The following PHF11 variants were observed in gnomAD, a reference collection of about 807,000 sequenced individuals.
The protein encoded by PHF11 is BRCA1 C-terminus-associated protein.
A neutral mutation model predicts 40.5 loss-of-function variants in PHF11; 38 were observed. The ratio of observed to expected loss-of-function variants is 0.94; its 90% CI spans 0.72 to 1.23. The LOEUF is 1.23. Among genes scored for constraint, PHF11 ranks in the 50% most tolerant of loss-of-function variants. The pLI, the probability that PHF11 is intolerant of heterozygous loss-of-function variation, is 0.00. For missense variants in PHF11, 369 were observed against 392.4 expected (o/e 0.94, Z 0.50); for synonymous variants, 127 against 138.2 (o/e 0.92, Z 0.57).
chr13:49,523,503 G>C (rs1053200266), intron 7 of PHF11: 8 of 466,878 alleles, frequency 1.7e-5, no homozygotes, highest in Non-Finnish European at 2.6e-5. Context: ...GCTTGCCTGA[G>C]CTCAGAATCC....
intron 8 of PHF11, among the ~76,000 whole-genome samples, chr13:49,524,448 A>G (rs913265979): frequency 1.3e-5 from 2 of 151,278 alleles, no homozygotes; most frequent in Non-Finnish European, 2.9e-5. Flanking sequence ...TAAGCTGTCC[A>G]GCTTGTCATT....
rs73493214 is a variant in PHF11 at position 49,500,521 on chromosome 13, G to A, written c.94+4426G>A. Among the ~76,000 whole-genome samples the A allele has an allele frequency of 8.9e-3, 1,355 of 152,256 alleles. 12 individuals carry two copies. Among genetic ancestry groups the A allele is most frequent in the African/African-American group, 0.031 (1,295 of 41,508 alleles). On this transcript the variant is annotated intron_variant, in intron 1 of 9. Transcript: ENST00000378319. ...GACTCCCATAGTGAGAGATGCCTGT[G>A]TAAAAGTCCTCAGTGTGACTCCTCC...
chr13:49,497,074 G>A (rs1594194854), intron 1 of PHF11: 1 of 1,275,666 alleles, frequency 7.8e-7, no homozygotes, highest in Non-Finnish European at 1.0e-6. Context: ...TCAGCCAAAG[G>A]TGGAAAAGTT....
intron 3 of PHF11, among the ~76,000 whole-genome samples, chr13:49,516,036 T>C (rs1959149113): frequency 1.3e-5 from 2 of 152,128 alleles, no homozygotes; most frequent in African/African-American, 4.8e-5. Context: ...GCCCTCTGCT[T>C]AGAATGTCTT....
At position 49,526,380 on chromosome 13, in the gene PHF11, C is replaced by T. The variant is rs1959276650; in HGVS notation, c.770-7C>T. The T allele has an allele frequency of 3.2e-6, 5 of 1,587,188 alleles. No individual in the cohort carries two copies. The highest frequency in any genetic ancestry group is 3.5e-6 in the Non-Finnish European group (4 of 1,155,878). On this transcript the variant is annotated splice_polypyrimidine_tract_variant and splice_region_variant and intron_variant, in intron 8 of 9. Transcript: ENST00000378319. Reference sequence around the variant, plus strand: ...GTTTAATATTGAAAATGTTTCTCTCCCTCCAGACTATGAAGAAATCGGGAG... The same window carrying T: ...GTTTAATATTGAAAATGTTTCTCTCTCTCCAGACTATGAAGAAATCGGGAG...
At chr13:49,496,233 C>A in intron 1 of PHF11, 138 bp downstream of exon 1, 1 of 639,772 alleles carries the variant, frequency 1.6e-6, no homozygotes, top group Non-Finnish European at 2.2e-6. Flanking sequence ...GACGCCGGGG[C>A]GGCGCTGGAC....
Position 49,518,101 on chromosome 13 carries a change from C to T in PHF11, c.408C>T (p.Ala136=). Residue 136 remains alanine, a synonymous_variant, in exon 4 of 10, where the codon GCC becomes GCT. Coordinates refer to ENST00000378319, the MANE Select transcript of PHF11 (RefSeq NM_001040443.3). ...NCNKNYHFFC[A]KKDDAVPQSD... ...ACAAGAATTACCACTTTTTCTGTGC[C>T]AAGAAGGACGACGCAGTTCCACAGT... is the stretch of plus-strand genomic sequence containing the variant. The T allele has an allele frequency of 6.2e-7, 1 of 1,606,948 alleles. No homozygotes were observed.
chr13:49,522,938 T>C (rs1037617803), intron 6 of PHF11, among the ~76,000 whole-genome samples: 1 of 151,918 alleles, frequency 6.6e-6, no homozygotes, highest in African/African-American at 2.4e-5. Flanking sequence ...CTAATTTTTG[T>C]ATTTTTAGTA....
chr13:49,503,121 C>T (rs550576075), intron 1 of PHF11, among the ~76,000 whole-genome samples: 1 of 152,302 alleles, frequency 6.6e-6, no homozygotes, highest in South Asian at 2.1e-4. Context: ...CCTTTCCCAG[C>T]TTCCTGTGCA....
At chr13:49,496,830 C>CTTTTTTTTTTTT (rs34505707) in intron 1 of PHF11, among the ~76,000 whole-genome samples, 1 of 88,048 alleles carries the variant, frequency 1.1e-5, no homozygotes, top group African/African-American at 4.5e-5. Context: ...TGGGCTTACC[C>CTTTTTTTTTTTT]TTTTTTTTTT....
In PHF11 at chr13:49,528,868, A is replaced by AT; in HGVS notation, c.*203_*204insT. 2.1e-6 allele frequency: 1 copy of AT among 476,112 alleles called. No homozygotes were observed. Among genetic ancestry groups the AT allele is most frequent in the Non-Finnish European group, 3.7e-6 (1 of 270,324 alleles). The allele number at this position is 476,112 out of a possible 1,614,324, so 29.5% of individuals were successfully genotyped here. On this transcript the variant is annotated 3_prime_UTR_variant, in exon 10 of 10. Coordinates refer to ENST00000378319, the MANE Select transcript of PHF11 (RefSeq NM_001040443.3). Reference sequence around the variant, plus strand: ...GCTCACTGTCACATTCCCAGCACCTAGTATGCTCAGTAAATGTTTGTGGAA... The same window carrying AT: ...GCTCACTGTCACATTCCCAGCACCTATGTATGCTCAGTAAATGTTTGTGGAA...
At chr13:49,522,758 GGT>G (rs1241628079) in intron 6 of PHF11, among the ~76,000 whole-genome samples, 4 of 35,842 alleles carry the variant, frequency 1.1e-4, no homozygotes, top group East Asian at 1.4e-3. Flanking sequence ...ATGAATATGG[GGT>G]TTTTTTGTTT....
intron 2 of PHF11, among the ~76,000 whole-genome samples, chr13:49,511,420 A>G (rs1959081851): frequency 6.7e-6 from 1 of 148,546 alleles, no homozygotes; most frequent in Non-Finnish European, 1.5e-5. Context: ...TCCGCCTCAC[A>G]GGTTCAAGCA....
At chr13:49,520,809 T>C in intron 4 of PHF11, 85 bp from the exon 5 acceptor site, 1 of 929,276 alleles carries the variant, frequency 1.1e-6, no homozygotes, top group Non-Finnish European at 1.6e-6. Flanking sequence ...AGTAGGTTGG[T>C]ACGTTTTTAA....
chr13:49,509,236 G>A (rs1454826322), intron 2 of PHF11, among the ~76,000 whole-genome samples: 1 of 147,728 alleles, frequency 6.8e-6, no homozygotes, highest in Admixed American at 6.8e-5. Flanking sequence ...TTTTGAGACA[G>A]AGTCTTGCTC....
chr13:49,504,007 A>C (rs1400327368), intron 1 of PHF11, among the ~76,000 whole-genome samples: 4 of 152,208 alleles, frequency 2.6e-5, no homozygotes, highest in African/African-American at 9.6e-5. Flanking sequence ...TATAGGCGTG[A>C]GCCACTAGGC....
At chr13:49,520,041 C>T (rs918224319) in intron 4 of PHF11, among the ~76,000 whole-genome samples, 20 of 151,774 alleles carry the variant, frequency 1.3e-4, no homozygotes, top group African/African-American at 4.8e-4. Flanking sequence ...CGATTCACTT[C>T]ATTTCTTTTG....
At chr13:49,509,004 T>C (rs188855572) in intron 2 of PHF11, among the ~76,000 whole-genome samples, 1 of 152,326 alleles carries the variant, frequency 6.6e-6, no homozygotes, top group Non-Finnish European at 1.5e-5. Context: ...TTGTTCTGCA[T>C]CTATTGAAAT....
intron 2 of PHF11, among the ~76,000 whole-genome samples, chr13:49,510,621 A>G (rs765227459): frequency 1.1e-4 from 16 of 152,096 alleles, no homozygotes; most frequent in Non-Finnish European, 2.2e-4. Context: ...ACGTACCACC[A>G]TACCCAGCTA....
Sources: allele counts gnomAD v4.1 joint callset (sites outside exome capture counted in the v4.1 genomes callset), GRCh38; gene constraint gnomAD v4.1.1; transcripts MANE v1.5; gene names NCBI Gene and HGNC (gene_info 2026-07-23, HGNC 2026-07-21).